CBFA2T3: variants seen among roughly 807,000 people sequenced by gnomAD.
CBFA2T3 encodes the protein transcriptional corepressor CBFA2T3.
CBFA2T3 carries 31 observed loss-of-function variants against 58.6 expected under a neutral mutation model. The ratio of observed to expected loss-of-function variants is 0.53; its 90% confidence interval spans 0.40 to 0.71. The LOEUF is 0.71. CBFA2T3 is among the 30% of genes least tolerant of loss of function. The pLI, the probability that CBFA2T3 is intolerant of heterozygous loss-of-function variation, is 0.00. For synonymous variants in CBFA2T3, 531 were observed against 421.9 expected, an observed-to-expected ratio of 1.26 and a Z score of -3.17; for missense variants, 1,076 against 963.1, an observed-to-expected ratio of 1.12 and a Z score of -1.55.
chr16:88,928,980 G>A (rs1011940122), intron 1 of CBFA2T3, among the ~76,000 whole-genome samples: 15 of 152,352 alleles, frequency 9.8e-5, no homozygotes, highest in Middle Eastern at 6.8e-3. Flanking sequence ...TGGAAGGGAG[G>A]GGAGTTTGTG....
At chr16:88,976,509 T>C (rs1972864891) in intron 1 of CBFA2T3, 148 bp downstream of exon 1, 2 of 644,062 alleles carry the variant, frequency 3.1e-6, no homozygotes, top group South Asian at 3.8e-5. Flanking sequence ...GGTGGCCCTG[T>C]TGATATCTGA....
At chr16:88,926,702 G>A (rs1456774474) in intron 1 of CBFA2T3, among the ~76,000 whole-genome samples, 1 of 152,244 alleles carries the variant, frequency 6.6e-6, no homozygotes, top group Non-Finnish European at 1.5e-5. Context: ...TGCCAGGGTG[G>A]GGCCTGCTGA....
In CBFA2T3 at chr16:88,879,540, C is replaced by G. The variant is rs1275228559; in HGVS notation, c.1472-80G>C. On this transcript the variant is annotated intron_variant, in intron 10 of 11. Coordinates refer to ENST00000268679, the MANE Select transcript of CBFA2T3 (RefSeq NM_005187.6). ...CTGGACTTCCTACGCGTGGCCACAACCTGGGGACAGGGGCTGTGTGCAGCT... is the reference window on the plus strand; with the variant it reads ...CTGGACTTCCTACGCGTGGCCACAAGCTGGGGACAGGGGCTGTGTGCAGCT... The G allele has an allele frequency of 3.0e-6, 4 of 1,326,474 alleles. No homozygotes were observed. In the African/African-American group the frequency reaches 5.8e-5, roughly 19 times the overall value. 82.2% of individuals were successfully genotyped at this position (1,326,474 alleles called of 1,614,324 possible).
At position 88,885,240 on chromosome 16, in the gene CBFA2T3, G is replaced by T; in HGVS notation, c.923C>A (p.Pro308Gln). Residue 308 changes from proline (P) to glutamine (Q), a missense_variant, in exon 7 of 12, where the codon CCG becomes CAG. Physicochemically the swap from Pro to Gln is moderately conservative, Grantham distance 76. Coordinates refer to ENST00000268679, the MANE Select transcript of CBFA2T3 (RefSeq NM_005187.6). The surrounding 1 kb of genome is among the most constrained non-coding windows in gnomAD (Gnocchi z 5.3). ...RTKENGSDRD[P>Q]LHPEHLSKRP... ...TTTGCTGAGGTGCTCGGGGTGCAGC[G>T]GGTCGCGGTCTGACCCGTTCTCTTT... 1.3e-6 allele frequency: 2 copies of T among 1,578,602 alleles called. No individual in the cohort carries two copies. Among genetic ancestry groups the T allele is most frequent in the Non-Finnish European group, 8.6e-7 (1 of 1,158,564 alleles).
chr16:88,894,504 C>G (rs1298524653), intron 3 of CBFA2T3, among the ~76,000 whole-genome samples: 2 of 128,364 alleles, frequency 1.6e-5, no homozygotes, highest in African/African-American at 3.3e-5. Context: ...CATGCACACA[C>G]ACATGCACAC....
At chr16:88,903,573 T>A (rs1022106159) in intron 1 of CBFA2T3, among the ~76,000 whole-genome samples, 1 of 149,942 alleles carries the variant, frequency 6.7e-6, no homozygotes, top group African/African-American at 2.4e-5. Flanking sequence ...CAACACCGCC[T>A]GGCTGCAGGG....
chr16:88,936,846 G>A (rs1046719771), intron 1 of CBFA2T3: 4 of 152,306 alleles, frequency 2.6e-5, no homozygotes, highest in Non-Finnish European at 4.4e-5. Context: ...GGATCCCGGC[G>A]GGTCCTGAGT....
In CBFA2T3 at chr16:88,921,601, A is replaced by AG. The variant is rs1311946960; in HGVS notation, c.152-19946dup. On this transcript the variant is annotated intron_variant, in intron 1 of 11. Transcript: ENST00000268679. ...TTCTTGGGCCACATTTTGCTGGGGG[A>AG]GGGAGGGGGGGCGGTTGGGGGGAGG... Among the ~76,000 whole-genome samples the AG allele has an allele frequency of 9.6e-4, 43 of 44,840 alleles. 1 individual carries two copies. The highest frequency in any genetic ancestry group is 3.4e-3 in the African/African-American group (42 of 12,272). 29.4% of individuals were successfully genotyped at this position (44,840 alleles called of 152,430 possible). A position where few individuals can be genotyped will look rare whatever the true frequency, so the allele number is the denominator to read the frequency against.
chr16:88,891,911 G>C lies in CBFA2T3; in HGVS notation c.682C>G (p.Leu228Val). ...AGGAAGGGAATGACAAACGGCCGCA[G>C]AGGGAAGTTGGTGGCCTCCTGAAGC... is the stretch of plus-strand genomic sequence containing the variant. ...SKLQEATNFP[L>V]RPFVIPFLKA... Residue 228 changes from leucine (L) to valine (V), a missense_variant, in exon 5 of 12, where the codon CTG becomes GTG. By Grantham distance (32) the Leu-to-Val change is conservative. Coordinates refer to ENST00000268679, the MANE Select transcript of CBFA2T3 (RefSeq NM_005187.6). 5.0e-6 allele frequency: 8 copies of C among 1,613,296 alleles called. No individual in the cohort carries two copies. Among genetic ancestry groups the C allele is most frequent in the Non-Finnish European group, 6.8e-6 (8 of 1,179,726 alleles).
chr16:88,949,184 A>G (rs74033211), intron 1 of CBFA2T3, among the ~76,000 whole-genome samples: 1,528 of 152,360 alleles, frequency 0.01, 34 homozygotes, highest in African/African-American at 0.035. Flanking sequence ...CTCTGAAAAA[A>G]TTTTAAGAAG....
intron 1 of CBFA2T3, among the ~76,000 whole-genome samples, chr16:88,920,703 G>A (rs1034997677): frequency 6.6e-6 from 1 of 152,212 alleles, no homozygotes; most frequent in African/African-American, 2.4e-5. Context: ...GTGGACAAGG[G>A]CGGCCTCTGC....
At chr16:88,952,087 A>T (rs181054563) in intron 1 of CBFA2T3, among the ~76,000 whole-genome samples, 14 of 152,338 alleles carry the variant, frequency 9.2e-5, no homozygotes, top group Admixed American at 3.9e-4. Flanking sequence ...CTAAGCCGGA[A>T]GCTGCTCTGG....
chr16:88,951,067 G>C (rs1207611386), intron 1 of CBFA2T3: 2 of 378,754 alleles, frequency 5.3e-6, no homozygotes, highest in Non-Finnish European at 1.0e-5. Flanking sequence ...TTCCGGATCT[G>C]TTCACCCCTC....
rs527378853 is a variant in CBFA2T3 at position 88,957,092 on chromosome 16, G to A, written c.151+19565C>T. 2.4e-4 allele frequency among the ~76,000 whole-genome samples: 36 copies of A among 152,328 alleles called. No homozygotes were observed. The East Asian group carries it at 5.6e-3, about 24-fold the overall frequency. On this transcript the variant is annotated intron_variant, in intron 1 of 11. Coordinates refer to ENST00000268679, the MANE Select transcript of CBFA2T3 (RefSeq NM_005187.6). ...TCACGCTCTCTCCCGGAACAAAACC[G>A]CCCTTGGGCTTCAGGCCCCAGAGGT...
At chr16:88,919,927 C>T (rs1357316963) in intron 1 of CBFA2T3, among the ~76,000 whole-genome samples, 6 of 152,220 alleles carry the variant, frequency 3.9e-5, no homozygotes, top group Non-Finnish European at 7.3e-5. Flanking sequence ...CCTTGGGAAG[C>T]AGCATGAGAA....
At chr16:88,932,232 TGGCCCCCGCTTCCCCCTCACAC>T (rs71158765) in intron 1 of CBFA2T3, among the ~76,000 whole-genome samples, 12 of 45,008 alleles carry the variant, frequency 2.7e-4, no homozygotes, top group South Asian at 8.2e-4. Context: ...CCCCCTCACA[TGGCCCCCGCTTCCCCCTCACAC>T]GGCCCCCACT....
chr16:88,882,295 G>A (rs953536155), intron 8 of CBFA2T3, among the ~76,000 whole-genome samples: 1 of 152,244 alleles, frequency 6.6e-6, no homozygotes, highest in African/African-American at 2.4e-5. Context: ...TACAGGTGTG[G>A]CTGTGTGGGG....
intron 5 of CBFA2T3, among the ~76,000 whole-genome samples, chr16:88,888,478 T>A (rs1319883746): frequency 1.6e-3 from 1 of 632 alleles, no homozygotes; most frequent in African/African-American, 0.011. Flanking sequence ...TGGGTGGGGT[T>A]GGGGGGGTGC....
chr16:88,927,283 G>A (rs534804824), intron 1 of CBFA2T3, among the ~76,000 whole-genome samples: 2 of 152,338 alleles, frequency 1.3e-5, no homozygotes, highest in South Asian at 2.1e-4. Flanking sequence ...CCCTGCCCTC[G>A]GGTGCATGGA....
Sources: gnomAD v4.1 joint callset for allele counts (sites outside exome capture counted in the v4.1 genomes callset) on GRCh38, gnomAD v4.1.1 for gene constraint, Gnocchi (gnomAD v3.1) non-coding constraint, MANE v1.5 for transcripts, NCBI Gene and HGNC (gene_info 2026-07-23, HGNC 2026-07-21) for gene names.